TPRG1: variants seen among roughly 807,000 people sequenced by gnomAD.
TPRG1 encodes the protein tumor protein p63 regulated 1.
Under a neutral mutation model 29.3 loss-of-function variants are expected in TPRG1, and 29 were observed. The ratio of observed to expected loss-of-function variants is 0.99; its 90% CI spans 0.74 to 1.35. The LOEUF (loss-of-function observed/expected upper bound fraction) is 1.35, where lower values mean the gene tolerates loss of function less well. TPRG1 is among the 40% of genes most tolerant of loss of function. TPRG1 has a pLI of 0.00. For synonymous variants in TPRG1, 130 were observed against 116.8 expected, an observed-to-expected ratio of 1.11 and a Z score of -0.73; for missense variants, 327 against 335.0, an observed-to-expected ratio of 0.98 and a Z score of 0.19.
intron 1 of TPRG1, among the ~76,000 whole-genome samples, chr3:189,183,903 A>C (rs1396568613): frequency 6.6e-6 from 1 of 151,700 alleles, no homozygotes; most frequent in Non-Finnish European, 1.5e-5. Flanking sequence ...TGACAGGATT[A>C]AGAGATTAAA....
intron 3 of TPRG1, among the ~76,000 whole-genome samples, chr3:189,220,939 TTTTTTCCTTTTA>T (rs1471839899): frequency 6.6e-6 from 1 of 152,174 alleles, no homozygotes; most frequent in African/African-American, 2.4e-5. Flanking sequence ...CTTCTCTCAG[TTTTTTCCTTTTA>T]TTTTTCCTGA....
At chr3:189,039,697 C>G (rs1224468425) in intron 4 of TPRG1, among the ~76,000 whole-genome samples, 1 of 152,096 alleles carries the variant, frequency 6.6e-6, no homozygotes, top group Non-Finnish European at 1.5e-5. Flanking sequence ...TAGCAGAAGT[C>G]TAGTTTTGAA....
At chr3:189,206,607 C>A (rs551628533) in intron 1 of TPRG1, among the ~76,000 whole-genome samples, 86 of 151,250 alleles carry the variant, frequency 5.7e-4, no homozygotes, top group African/African-American at 1.6e-3. Flanking sequence ...CTCAGGTGAA[C>A]CTCCCACCTC....
At chr3:189,024,241 T>C (rs1430846635) in intron 4 of TPRG1, among the ~76,000 whole-genome samples, 1 of 152,040 alleles carries the variant, frequency 6.6e-6, no homozygotes, top group African/African-American at 2.4e-5. Context: ...TGAGGAGGAA[T>C]GGATCAGGGT....
At chr3:189,036,583 G>T (rs1458857196) in intron 4 of TPRG1, among the ~76,000 whole-genome samples, 3 of 151,586 alleles carry the variant, frequency 2.0e-5, no homozygotes, top group Non-Finnish European at 2.9e-5. Flanking sequence ...AGACAAAGGA[G>T]GAATAATAAA....
chr3:189,019,357 T>C (rs2152124195), intron 3 of TPRG1, among the ~76,000 whole-genome samples: 1 of 152,350 alleles, frequency 6.6e-6, no homozygotes, highest in East Asian at 1.9e-4. Context: ...AGTGTGATAT[T>C]GGCCGTGGGT....
chr3:189,073,419 A>G (rs750276903), intron 4 of TPRG1, among the ~76,000 whole-genome samples: 1 of 152,188 alleles, frequency 6.6e-6, no homozygotes, highest in Non-Finnish European at 1.5e-5. Flanking sequence ...AGTATTCAAG[A>G]TTTGTTTGTA....
intron 2 of TPRG1, among the ~76,000 whole-genome samples, chr3:189,001,162 T>A (rs149733992): frequency 2.4e-3 from 371 of 152,236 alleles, no homozygotes; most frequent in Non-Finnish European, 3.9e-3. Flanking sequence ...AAACATCAAA[T>A]CTCCCCAACC....
Position 189,203,456 on chromosome 3 carries a change from A to G in TPRG1, c.-9-3920A>G, listed in dbSNP as rs149865612. Among the ~76,000 whole-genome samples the G allele has an allele frequency of 3.3e-3, 497 of 152,268 alleles. 2 individuals are homozygous for G. Among genetic ancestry groups the G allele is most frequent in the Middle Eastern group, 6.8e-3 (2 of 294 alleles). On this transcript the variant is annotated intron_variant, in intron 1 of 5. Coordinates refer to ENST00000345063, the MANE Select transcript of TPRG1 (RefSeq NM_198485.4). ...ACTATTTTCTTTCTAGTCTTTACCA[A>G]TGTGAAATTATTCAGTGGAACATTC...
At chr3:189,014,801 C>A (rs1712835077) in intron 3 of TPRG1, among the ~76,000 whole-genome samples, 1 of 152,122 alleles carries the variant, frequency 6.6e-6, no homozygotes, top group South Asian at 2.1e-4. Context: ...CCCAGTCATG[C>A]TTCCTGTTAA....
upstream of TPRG1, among the ~76,000 whole-genome samples, chr3:189,096,836 C>T (rs780764867): frequency 7.9e-5 from 12 of 152,114 alleles, no homozygotes; most frequent in South Asian, 2.1e-4. Context: ...CTTATACAGA[C>T]GTATAATGGA....
intron 4 of TPRG1, among the ~76,000 whole-genome samples, chr3:189,278,361 A>G (rs886781920): frequency 3.3e-5 from 5 of 152,210 alleles, no homozygotes; most frequent in African/African-American, 1.2e-4. Context: ...AGGAGTCTGG[A>G]TTCTCACAGG....
intron 2 of TPRG1, among the ~76,000 whole-genome samples, chr3:189,210,557 AT>A (rs1327170344): frequency 6.6e-6 from 1 of 152,234 alleles, no homozygotes; most frequent in Non-Finnish European, 1.5e-5. Flanking sequence ...AAATCTACAG[AT>A]GATATAGTCA....
intron 4 of TPRG1, among the ~76,000 whole-genome samples, chr3:189,071,972 T>C (rs1053734195): frequency 6.6e-6 from 1 of 152,208 alleles, no homozygotes; most frequent in Non-Finnish European, 1.5e-5. Context: ...TCTTGGTATA[T>C]GCATGGACAG....
intron 1 of TPRG1, among the ~76,000 whole-genome samples, chr3:189,105,345 T>C (rs2152198458): frequency 6.6e-6 from 1 of 152,264 alleles, no homozygotes; most frequent in South Asian, 2.1e-4. Flanking sequence ...TCAGATGGAA[T>C]GTAATCTGTA....
intron 3 of TPRG1, among the ~76,000 whole-genome samples, chr3:189,235,179 T>G (rs1739260717): frequency 6.6e-6 from 1 of 151,636 alleles, no homozygotes; most frequent in African/African-American, 2.4e-5. Flanking sequence ...ACTGTTGAAG[T>G]GTTTTGAACC....
chr3:189,150,492 TTTCTACTGTTGA>T (rs1330398112), intron 4 of TPRG1, among the ~76,000 whole-genome samples: 8 of 152,174 alleles, frequency 5.3e-5, no homozygotes, highest in Non-Finnish European at 1.0e-4. Flanking sequence ...TTTGTGTGGA[TTTCTACTGTTGA>T]TTTACCTGCT....
chr3:189,297,360 C>T (rs990630533), intron 4 of TPRG1, among the ~76,000 whole-genome samples: 4 of 152,150 alleles, frequency 2.6e-5, no homozygotes, highest in Admixed American at 6.6e-5. Context: ...TCATTCAATA[C>T]CCATGCCCTA....
chr3:189,289,568 C>T (rs974453045), intron 4 of TPRG1, among the ~76,000 whole-genome samples: 40 of 152,118 alleles, frequency 2.6e-4, no homozygotes, highest in Admixed American at 1.6e-3. Flanking sequence ...AATTATCTTT[C>T]TTTTGGTTTC....
Sources: allele counts gnomAD v4.1 joint callset (sites outside exome capture counted in the v4.1 genomes callset), GRCh38; gene constraint gnomAD v4.1.1; transcripts MANE v1.5; gene names NCBI Gene and HGNC (gene_info 2026-07-23, HGNC 2026-07-21).